Variants in CCDC39 observed in about 807,000 individuals in gnomAD.
CCDC39 encodes the protein coiled-coil domain-containing protein 39.
Under a neutral mutation model 121.0 loss-of-function variants are expected in CCDC39, and 113 were observed. That is an observed-to-expected ratio of 0.93 (90% CI 0.80 to 1.09). The LOEUF (loss-of-function observed/expected upper bound fraction) is 1.09, where lower values mean the gene tolerates loss of function less well. Ranked by LOEUF, CCDC39 falls within the 50% of genes least tolerant of loss-of-function variation. The probability of loss-of-function intolerance (pLI) is 0.00; values close to 1 mark genes in which losing one functional copy is unlikely to be tolerated. For synonymous variants in CCDC39, 349 were observed against 352.2 expected, an observed-to-expected ratio of 0.99 and a Z score of 0.10; for missense variants, 1,063 against 1,074.7, an observed-to-expected ratio of 0.99 and a Z score of 0.15.
chr3:180,648,072 T>C, intron 10 of CCDC39, 93 bp downstream of exon 10: 1 of 1,024,546 alleles, frequency 9.8e-7, no homozygotes, highest in Non-Finnish European at 1.4e-6. Flanking sequence ...ACAAAAGGGC[T>C]TATAATTCTT....
intron 1 of CCDC39, among the ~76,000 whole-genome samples, chr3:180,670,865 G>A (rs184951852): frequency 6.2e-4 from 94 of 152,148 alleles, no homozygotes; most frequent in Non-Finnish European, 1.1e-3. Context: ...CATAAGACAT[G>A]CTTGCCAGCG....
At chr3:180,674,941 C>CT (rs1397954720) in intron 1 of CCDC39, among the ~76,000 whole-genome samples, 1 of 152,102 alleles carries the variant, frequency 6.6e-6, no homozygotes, top group African/African-American at 2.4e-5. Context: ...TAAAAATTCT[C>CT]TTTTTTTGTT....
At chr3:180,676,040 C>T (rs1712190152) in intron 1 of CCDC39, among the ~76,000 whole-genome samples, 1 of 151,962 alleles carries the variant, frequency 6.6e-6, no homozygotes, top group African/African-American at 2.4e-5. Flanking sequence ...CCATAAAAAC[C>T]CTAGAAGAAA....
chr3:180,634,391 T>G (rs1487572110), intron 13 of CCDC39, among the ~76,000 whole-genome samples: 2 of 152,080 alleles, frequency 1.3e-5, no homozygotes, highest in African/African-American at 4.8e-5. Flanking sequence ...AAACACCCAC[T>G]GCTCATCACC....
intron 14 of CCDC39, among the ~76,000 whole-genome samples, chr3:180,623,079 T>C (rs971749023): frequency 2.7e-4 from 12 of 44,474 alleles, no homozygotes; most frequent in African/African-American, 8.2e-4. Flanking sequence ...TTGGAGATTT[T>C]TATTATTATT....
intron 1 of CCDC39, among the ~76,000 whole-genome samples, chr3:180,678,254 C>A (rs1319991407): frequency 6.6e-6 from 1 of 152,140 alleles, no homozygotes; most frequent in Non-Finnish European, 1.5e-5. Flanking sequence ...TATTGCCCTC[C>A]TTTGGGGAAA....
At chr3:180,678,466 GT>G (rs1362485833) in intron 1 of CCDC39, among the ~76,000 whole-genome samples, 1 of 151,932 alleles carries the variant, frequency 6.6e-6, no homozygotes, top group African/African-American at 2.4e-5. Flanking sequence ...CACCACCAAA[GT>G]TTTTCAAAAT....
intron 13 of CCDC39, among the ~76,000 whole-genome samples, chr3:180,637,755 A>G (rs1373268222): frequency 1.3e-5 from 2 of 152,164 alleles, no homozygotes; most frequent in Admixed American, 1.3e-4. Flanking sequence ...GCCATAAAAA[A>G]GAATAAGATC....
At chr3:180,671,441 T>A (rs1484770297) in intron 1 of CCDC39, among the ~76,000 whole-genome samples, 2 of 152,138 alleles carry the variant, frequency 1.3e-5, no homozygotes, top group Non-Finnish European at 2.9e-5. Context: ...GCTGCATACT[T>A]CCACTTCAAT....
At chr3:180,662,116 C>G (rs1711757252) in intron 2 of CCDC39, 109 bp from the exon 3 acceptor site, 1 of 982,546 alleles carries the variant, frequency 1.0e-6, no homozygotes, top group Non-Finnish European at 1.5e-6. Context: ...AAATTGCTTA[C>G]ATTAAGTACT....
At chr3:180,628,356 C>T (rs563320576) in intron 14 of CCDC39, among the ~76,000 whole-genome samples, 4 of 152,190 alleles carry the variant, frequency 2.6e-5, no homozygotes, top group East Asian at 1.9e-4. Flanking sequence ...TACAGGTGCC[C>T]ACCACCACAC....
At chr3:180,638,316 T>C (rs1717878531) in intron 13 of CCDC39, among the ~76,000 whole-genome samples, 1 of 152,148 alleles carries the variant, frequency 6.6e-6, no homozygotes, top group African/African-American at 2.4e-5. Flanking sequence ...GAAACAATGT[T>C]TTACAATGTT....
intron 19 of CCDC39, among the ~76,000 whole-genome samples, chr3:180,615,965 G>T (rs1483384007): frequency 1.3e-5 from 2 of 152,124 alleles, no homozygotes; most frequent in South Asian, 2.1e-4. Flanking sequence ...CCAACTTGGG[G>T]GTTCACCCCC....
chr3:180,626,197 G>A (rs1191605941), intron 14 of CCDC39, among the ~76,000 whole-genome samples: 1 of 152,084 alleles, frequency 6.6e-6, no homozygotes. Flanking sequence ...GTATTTGTAG[G>A]TTGAATTGCC....
At chr3:180,622,352 G>A (rs1717450793) in intron 14 of CCDC39, among the ~76,000 whole-genome samples, 1 of 151,934 alleles carries the variant, frequency 6.6e-6, no homozygotes, top group South Asian at 2.1e-4. Flanking sequence ...ATCATATCAT[G>A]TGAACACAGA....
intron 7 of CCDC39, among the ~76,000 whole-genome samples, chr3:180,653,870 T>A (rs1711521157): frequency 6.6e-6 from 1 of 152,168 alleles, no homozygotes; most frequent in Non-Finnish European, 1.5e-5. Flanking sequence ...AATAATCTCT[T>A]GATTATTTTT....
Position 180,616,515 on chromosome 3 carries a change from C to T in CCDC39, c.2586+1G>A, listed in dbSNP as rs758362162. Reference sequence around the variant, plus strand: ...ATATTTAATAGAAGGTGCTGTATTACCTGTTGAAAGTATGTTTGAAGGATA... The same window carrying T: ...ATATTTAATAGAAGGTGCTGTATTATCTGTTGAAAGTATGTTTGAAGGATA... On this transcript the variant is annotated splice_donor_variant, in intron 18 of 19. Transcript: ENST00000476379. LOFTEE classifies it high-confidence loss of function. The T allele has an allele frequency of 1.8e-5, 27 of 1,540,186 alleles. No individual in the cohort carries two copies. Among genetic ancestry groups the T allele is most frequent in the Non-Finnish European group, 2.4e-5 (27 of 1,144,910 alleles).
chr3:180,648,101 C>A (rs551173781), intron 10 of CCDC39, 64 bp downstream of exon 10: 28 of 1,287,376 alleles, frequency 2.2e-5, no homozygotes, highest in Non-Finnish European at 2.7e-5. Flanking sequence ...TAGAACATGG[C>A]GTATCTTGAC....
At chr3:180,631,378 G>T in intron 14 of CCDC39, 91 bp downstream of exon 14, 1 of 1,219,736 alleles carries the variant, frequency 8.2e-7, no homozygotes, top group Non-Finnish European at 1.2e-6. Context: ...TTGCAATATT[G>T]TTGTTTTTTT....
Sources: allele counts gnomAD v4.1 joint callset (sites outside exome capture counted in the v4.1 genomes callset), GRCh38; gene constraint gnomAD v4.1.1; transcripts MANE v1.5; gene names NCBI Gene and HGNC (gene_info 2026-07-23, HGNC 2026-07-21).